Variants in NBPF19 observed in about 807,000 individuals in gnomAD.
NBPF19 encodes NBPF family member NBPF19.
NBPF19 carries 30 observed loss-of-function variants against 45.9 expected under a neutral mutation model. The observed-to-expected ratio is 0.65, with a 90% CI of 0.49 to 0.89. The LOEUF is 0.89. NBPF19 is among the 40% of genes least tolerant of loss of function. NBPF19 has a pLI of 0.00. For synonymous variants in NBPF19, 183 were observed against 181.2 expected (o/e 1.01, Z -0.08); for missense variants, 495 against 471.8 (o/e 1.05, Z -0.46).
intron 2 of NBPF19, among the ~76,000 whole-genome samples, chr1:149,477,498 C>T (rs2084914225): frequency 1.3e-5 from 2 of 151,146 alleles, no homozygotes; most frequent in Admixed American, 1.3e-4. Context: ...TTTTTAAAGT[C>T]CTTGACATAT....
intron 9 of NBPF19, 101 bp from the exon 10 acceptor site, chr1:149,487,912 T>G: frequency 5.4e-6 from 4 of 743,094 alleles, no homozygotes; most frequent in Non-Finnish European, 2.5e-6. Context: ...TCTCTCCTTT[T>G]TCTTTTCAAA....
intron 10 of NBPF19, among the ~76,000 whole-genome samples, chr1:149,488,415 T>A (rs1375026486): frequency 7.1e-6 from 1 of 141,770 alleles, no homozygotes; most frequent in African/African-American, 2.7e-5. Context: ...GGCGCCCTAA[T>A]CCTACTCTCA....
At chr1:149,528,987 T>G (rs2086925496) in intron 61 of NBPF19, among the ~76,000 whole-genome samples, 187 bp from the exon 62 acceptor site, 3 of 129,380 alleles carry the variant, frequency 2.3e-5, no homozygotes, top group South Asian at 2.6e-4. Context: ...CTATCTGTCT[T>G]TCTCTTTCAT....
intron 9 of NBPF19, among the ~76,000 whole-genome samples, chr1:149,487,702 C>T (rs1468756885): frequency 4.7e-5 from 7 of 149,266 alleles, no homozygotes; most frequent in South Asian, 4.3e-4. Flanking sequence ...ACTGTGTGTC[C>T]TGAGAGCACA....
At chr1:149,477,858 G>A (rs2084937043) in intron 2 of NBPF19, 87 bp from the exon 3 acceptor site, 4 of 787,196 alleles carry the variant, frequency 5.1e-6, no homozygotes, top group East Asian at 2.5e-5. Flanking sequence ...TTTGTCCTTG[G>A]GATGGACCTG....
In NBPF19 at chr1:149,478,825, G is replaced by C. The variant is rs1393220192; in HGVS notation, c.279-55G>C. 12 of 1,405,754 alleles carry C rather than the reference G, an allele frequency of 8.5e-6. 2 individuals are homozygous for C. In the African/African-American group the frequency reaches 1.6e-4, roughly 18 times the overall value. The allele number at this position is 1,405,754 out of a possible 1,614,324, so 87.1% of individuals were successfully genotyped here. ...CTCAGAAGTCTCTGTTGCAATATTT[G>C]AACGGATCACTCAACCCTTTCTACT... On this transcript the variant is annotated intron_variant, in intron 3 of 93. Transcript: ENST00000651566.
At chr1:149,477,367 C>T (rs1313801525) in intron 2 of NBPF19, among the ~76,000 whole-genome samples, 1 of 151,344 alleles carries the variant, frequency 6.6e-6, no homozygotes, top group Non-Finnish European at 1.5e-5. Context: ...AATGCTGCCT[C>T]TCATACTAAT....
At chr1:149,487,193 C>T (rs1172497228) in intron 8 of NBPF19, 139 bp from the exon 9 acceptor site, 13 of 796,406 alleles carry the variant, frequency 1.6e-5, no homozygotes, top group African/African-American at 3.4e-5. Context: ...TGACCTCAGG[C>T]CTACTGCAAT....
rs1474159899 is a variant in NBPF19 at position 149,488,149 on chromosome 1, G to C, written c.1177G>C (p.Glu393Gln). The C allele has an allele frequency of 3.0e-3, 2,027 of 680,748 alleles. 71 individuals carry two copies. The highest frequency in any genetic ancestry group is 0.022 in the South Asian group (1,365 of 61,354). The allele number at this position is 680,748 out of a possible 1,614,324, so 42.2% of individuals were successfully genotyped here. ...QPYRSAFYVLEQQRVGLAIDM... is the reference protein window; with the variant it reads ...QPYRSAFYVLQQQRVGLAIDM... ...CTACAGAAGTGCCTTTTACGTATTG[G>C]AGCAACAGCGTGTTGGCTTGGCTAT... is the stretch of plus-strand genomic sequence containing the variant. Residue 393 changes from glutamate to glutamine, a missense_variant, in exon 10 of 94, where the codon GAG becomes CAG. Around this residue, in one of 8 missense-constraint regions of NBPF19, gnomAD observed 146 missense variants for 67.3 expected, o/e 2.17. Transcript: ENST00000651566.
chr1:149,487,547 T>G (rs1299936696), intron 9 of NBPF19, among the ~76,000 whole-genome samples, 164 bp downstream of exon 9: 1 of 151,052 alleles, frequency 6.6e-6, no homozygotes, highest in Non-Finnish European at 1.5e-5. Flanking sequence ...AATGTTTAGG[T>G]TTCCATTTCT....
In NBPF19 at chr1:149,554,382, G is replaced by C. The variant is rs1272130661; in HGVS notation, c.11289-113G>C. 6.3e-6 allele frequency: 10 copies of C among 1,595,728 alleles called. No homozygotes were observed. The African/African-American group carries it at 8.2e-5, about 13-fold the overall frequency. On this transcript the variant is annotated intron_variant, in intron 93 of 93. Coordinates refer to ENST00000651566, the MANE Select transcript of NBPF19 (RefSeq NM_001351365.2). ...AATTTTTTTTTTTACCTCATTAATG[G>C]ATCTATCCTTTTTCTTTTCTAACCA... is the stretch of plus-strand genomic sequence containing the variant.
At chr1:149,494,066 C>G (rs1427373657) in intron 17 of NBPF19, among the ~76,000 whole-genome samples, 2 of 125,938 alleles carry the variant, frequency 1.6e-5, no homozygotes, top group Non-Finnish European at 3.2e-5. Context: ...AGTGTGTCAC[C>G]CGGCCAACTC....
chr1:149,487,434 G>A (rs2085602943), intron 9 of NBPF19, 51 bp downstream of exon 9: 11 of 964,440 alleles, frequency 1.1e-5, no homozygotes, highest in Non-Finnish European at 1.5e-5. Context: ...ACCTGGAGAT[G>A]CCAAGTCCAG....
rs1436322833 is a variant in NBPF19, at chr1:149,475,560, G to A, written c.-271G>A. 2.8e-5 allele frequency: 21 copies of A among 758,596 alleles called. No homozygotes were observed. The East Asian group carries it at 4.9e-4, about 18-fold the overall frequency. 47.0% of individuals were successfully genotyped at this position (758,596 alleles called of 1,614,324 possible). On this transcript the variant is annotated 5_prime_UTR_variant, in exon 1 of 94. Coordinates refer to ENST00000651566, the MANE Select transcript of NBPF19 (RefSeq NM_001351365.2). Reference sequence around the variant, plus strand: ...GTGAAAGTAGGGTGCCTGTGTTTCAGCAAAGCCTGGGCAATTGGAATGCAG... The same window carrying A: ...GTGAAAGTAGGGTGCCTGTGTTTCAACAAAGCCTGGGCAATTGGAATGCAG...
chr1:149,521,347 G>T lies in NBPF19; in HGVS notation c.6193G>T (p.Gly2065Trp). ...CAGCAGGGAGCTGCTGGATGAGAAAGGGCCTGAAGTCTTGCAGGACTCACT... is the reference window on the plus strand; with the variant it reads ...CAGCAGGGAGCTGCTGGATGAGAAATGGCCTGAAGTCTTGCAGGACTCACT... ...RLSRELLDEK[G>W]PEVLQDSLDR... Residue 2065 changes from glycine to tryptophan, a missense_variant, in exon 52 of 94, where the codon GGG becomes TGG. Physicochemically the swap from Gly to Trp is radical, Grantham distance 184 (BLOSUM62 -2). Coordinates refer to ENST00000651566, the MANE Select transcript of NBPF19 (RefSeq NM_001351365.2). 1.0e-5 allele frequency: 2 copies of T among 192,818 alleles called. No homozygotes were observed. Among genetic ancestry groups the T allele is most frequent in the Non-Finnish European group, 2.0e-5 (2 of 98,134 alleles). 11.9% of individuals were successfully genotyped at this position (192,818 alleles called of 1,614,324 possible). A position where few individuals can be genotyped will look rare whatever the true frequency, so the allele number is the denominator to read the frequency against.
intron 8 of NBPF19, among the ~76,000 whole-genome samples, chr1:149,486,614 G>C (rs1570975652): frequency 6.6e-6 from 1 of 151,390 alleles, no homozygotes; most frequent in East Asian, 1.9e-4. Flanking sequence ...TGTCAGATCA[G>C]CTCATCTGAA....
At chr1:149,495,429 C>A (rs1332165818) in intron 19 of NBPF19, among the ~76,000 whole-genome samples, 178 bp downstream of exon 19, 5 of 44,588 alleles carry the variant, frequency 1.1e-4, no homozygotes, top group Non-Finnish European at 2.1e-4. Flanking sequence ...TTTCTTCCTC[C>A]CCTTATCATT....
intron 8 of NBPF19, 78 bp from the exon 9 acceptor site, chr1:149,487,254 G>A: frequency 3.9e-6 from 4 of 1,020,536 alleles, no homozygotes; most frequent in Admixed American, 1.7e-5. Context: ...ATGTCCCTGT[G>A]TTAGGATTGG....
rs1271840278 is a variant in NBPF19, at chr1:149,488,400, C to A, written c.1213+215C>A. Among the ~76,000 whole-genome samples the A allele has an allele frequency of 3.5e-5, 5 of 142,458 alleles. 1 individual carries two copies. In the South Asian group the frequency reaches 1.2e-3, roughly 35 times the overall value. 93.5% of individuals were successfully genotyped at this position (142,458 alleles called of 152,430 possible). ...GCTCTCTTCCTAGTCTCAGGCCATA[C>A]CTGTGGCGCCCTAATCCTACTCTCA... On this transcript the variant is annotated intron_variant, in intron 10 of 93. Coordinates refer to ENST00000651566, the MANE Select transcript of NBPF19 (RefSeq NM_001351365.2).
Sources: gnomAD v4.1 joint callset for allele counts (sites outside exome capture counted in the v4.1 genomes callset) on GRCh38, gnomAD v4.1.1 for gene constraint, gnomAD v4.1.1 regional missense constraint, MANE v1.5 for transcripts, NCBI Gene and HGNC (gene_info 2026-07-23, HGNC 2026-07-21) for gene names.